The following ZNF274 variants were observed in gnomAD, a reference collection of about 807,000 sequenced individuals.
ZNF274 encodes the protein neurotrophin receptor-interacting factor homolog.
Under a neutral mutation model 42.5 loss-of-function variants are expected in ZNF274, and 23 were observed. The observed-to-expected ratio is 0.54, with a 90% CI of 0.39 to 0.77. The LOEUF is 0.77. ZNF274 is among the 30% of genes least tolerant of loss of function. The pLI is 0.00. For missense variants in ZNF274, 679 were observed against 806.5 expected (o/e 0.84, Z 1.91); for synonymous variants, 292 against 305.4 (o/e 0.96, Z 0.46).
chr19:58,206,854 C>G lies in ZNF274; in HGVS notation c.391C>G (p.Leu131Val), dbSNP rs748619155. ...AGPRNAQIQALYAEDGSLSAD... is the reference protein window; with the variant it reads ...AGPRNAQIQAVYAEDGSLSAD... ...TCCCCGGAATGCCCAGATCCAGGCC[C>G]TATATGCTGAAGATGGAAGCCTGAG... The change falls in exon 5 of 8, where the codon CTA (leucine) becomes GTA (valine). Residue 131 changes from leucine (L) to valine (V), a missense_variant. By Grantham distance (32) the Leu-to-Val change is conservative (BLOSUM62 1). Around this residue, in one of 2 missense-constraint regions of ZNF274, gnomAD observed 223 missense variants for 216.4 expected, o/e 1.03. Coordinates refer to ENST00000617501, the MANE Select transcript of ZNF274 (RefSeq NM_133502.3). 2.5e-6 allele frequency: 4 copies of G among 1,613,952 alleles called. No individual in the cohort carries two copies. The highest frequency in any genetic ancestry group is 3.4e-6 in the Non-Finnish European group (4 of 1,179,870).
chr19:58,209,180 T>C (rs1357037188), intron 5 of ZNF274: 2 of 152,388 alleles, frequency 1.3e-5, no homozygotes, highest in Non-Finnish European at 2.9e-5. Context: ...GGGCAGGCTG[T>C]CTCCCTGCAT....
rs1044162558 is a variant in ZNF274 at position 58,208,171 on chromosome 19, G to C, written c.739+969G>C. On this transcript the variant is annotated intron_variant, in intron 5 of 7. Transcript: ENST00000617501. The surrounding 1 kb of genome is among the most constrained non-coding windows in gnomAD (Gnocchi z 4.5). ...CCTCCATTTTCCACATTTCACGGGT[G>C]CCCAGAAGATGTTTCTGATGTGAAC... 1 of 152,262 alleles carries C rather than the reference G, an allele frequency of 6.6e-6. No individual in the cohort carries two copies. Among genetic ancestry groups the C allele is most frequent in the African/African-American group, 2.4e-5 (1 of 41,458 alleles). The allele number at this position is 152,262 out of a possible 1,614,324, so 9.4% of individuals were successfully genotyped here.
chr19:58,198,744 A>AT (rs1271983176), intron 4 of ZNF274, among the ~76,000 whole-genome samples: 2 of 151,766 alleles, frequency 1.3e-5, no homozygotes, highest in African/African-American at 2.4e-5. Context: ...ACATGGAAAG[A>AT]TTTTTGGAAA....
At chr19:58,185,065 A>G (rs1405023050) in intron 2 of ZNF274, among the ~76,000 whole-genome samples, 1 of 149,634 alleles carries the variant, frequency 6.7e-6, no homozygotes, top group Non-Finnish European at 1.5e-5. Context: ...GCTTGCAGTG[A>G]GCCGAGATGG....
chr19:58,197,452 A>G (rs1038000237), intron 4 of ZNF274, among the ~76,000 whole-genome samples: 5 of 152,336 alleles, frequency 3.3e-5, no homozygotes, highest in Admixed American at 6.5e-5. Flanking sequence ...TAAGTATATA[A>G]ATGTAGTCTT....
At chr19:58,209,351 A>G (rs101447) in intron 5 of ZNF274, 51,388 of 152,120 alleles carry the variant, frequency 0.34, 8,972 homozygotes, top group Admixed American at 0.41. Flanking sequence ...TGGTGGGGGT[A>G]GATTAGCATT....
rs950259645 is a variant in ZNF274 at position 58,207,042 on chromosome 19, G to A, written c.579G>A (p.Lys193=). The change falls in exon 5 of 8, where the codon AAG becomes AAA. Residue 193 remains lysine (K), a synonymous_variant. Transcript: ENST00000617501. This position sits in a 1 kb window ranked among gnomAD's most constrained non-coding sequence, Gnocchi z 5.6. ...TGTGTCACCAGTGGCTACAGCCTAA[G>A]GCACGCTCCAAGGAGCAGATCCTGG... ...RELCHQWLQP[K]ARSKEQILEL... is the part of the protein sequence containing the mutation. 11 of 1,612,952 alleles carry A rather than the reference G, an allele frequency of 6.8e-6. No individual in the cohort carries two copies. Among genetic ancestry groups the A allele is most frequent in the Non-Finnish European group, 9.3e-6 (11 of 1,179,552 alleles).
rs763294292 is a variant in ZNF274 at position 58,206,828 on chromosome 19, G to A, written c.365G>A (p.Gly122Asp). ...CTCACACTGAACCAGGAGGTGGCTG[G>A]TCCCCGGAATGCCCAGATCCAGGCC... ...EVLTLNQEVA[G>D]PRNAQIQALY... The change falls in exon 5 of 8, where the codon GGT (glycine) becomes GAT (aspartate). Residue 122 changes from glycine (G) to aspartate (D), a missense_variant. Physicochemically the swap from Gly to Asp is moderately conservative, Grantham distance 94. Transcript: ENST00000617501. 1.2e-6 allele frequency: 2 copies of A among 1,613,992 alleles called. No individual in the cohort carries two copies. The highest frequency in any genetic ancestry group is 1.1e-5 in the South Asian group (1 of 91,068).
At chr19:58,203,618 A>G (rs1355476120) in intron 4 of ZNF274, among the ~76,000 whole-genome samples, 2 of 152,160 alleles carry the variant, frequency 1.3e-5, no homozygotes, top group East Asian at 3.8e-4. Context: ...TGTAATTGAA[A>G]GAAAATAAAT....
In ZNF274 at chr19:58,213,118, G is replaced by A. The variant is rs769928805; in HGVS notation, c.1937G>A (p.Arg646Gln). The change falls in exon 8 of 8, where the codon CGA (arginine) becomes CAA (glutamine). Residue 646 changes from arginine to glutamine, a missense_variant. Coordinates refer to ENST00000617501, the MANE Select transcript of ZNF274 (RefSeq NM_133502.3). ...GHQRTHNRTKRKKKQPTS is the reference protein window; with the variant it reads ...GHQRTHNRTKQKKKQPTS ...CAGAGAACCCACAATAGGACAAAGCGAAAGAAGAAACAGCCTACCTCATAG... is the reference window on the plus strand; with the variant it reads ...CAGAGAACCCACAATAGGACAAAGCAAAAGAAGAAACAGCCTACCTCATAG... 39 of 1,610,502 alleles carry A rather than the reference G, an allele frequency of 2.4e-5. No individual in the cohort carries two copies. Among genetic ancestry groups the A allele is most frequent in the Non-Finnish European group, 2.7e-5 (32 of 1,177,944 alleles).
chr19:58,211,009 C>G lies in ZNF274; in HGVS notation c.853-551C>G, dbSNP rs557139259. On this transcript the variant is annotated intron_variant, in intron 6 of 7. Coordinates refer to ENST00000617501, the MANE Select transcript of ZNF274 (RefSeq NM_133502.3). This position sits in a 1 kb window ranked among gnomAD's most constrained non-coding sequence, Gnocchi z 4.8. The stretch of plus-strand genomic sequence containing the variant: ...GGGATTATAGGTGTGAGCCACTGCG[C>G]GTGGCCACTCCCCTTTCTTCTTAGG... 1.3e-5 allele frequency: 2 copies of G among 152,398 alleles called. No homozygotes were observed. Among genetic ancestry groups the G allele is most frequent in the African/African-American group, 4.8e-5 (2 of 41,466 alleles). 9.4% of individuals were successfully genotyped at this position (152,398 alleles called of 1,614,324 possible).
At chr19:58,189,617 A>T (rs1234149751) in intron 4 of ZNF274, among the ~76,000 whole-genome samples, 1 of 152,004 alleles carries the variant, frequency 6.6e-6, no homozygotes, top group Non-Finnish European at 1.5e-5. Flanking sequence ...CTTGTCATTT[A>T]AAAAAAAGAA....
At position 58,186,822 on chromosome 19, in the gene ZNF274, C is replaced by T. The variant is rs192264814; in HGVS notation, c.161-125C>T. On this transcript the variant is annotated intron_variant, in intron 3 of 7. Coordinates refer to ENST00000617501, the MANE Select transcript of ZNF274 (RefSeq NM_133502.3). ...ACAGGGATGGATGGAGTTGTGTTCA[C>T]TGCTCTAGGCCAGAAGTCATGTGCC... The T allele has an allele frequency of 7.8e-4, 595 of 758,004 alleles. 3 individuals are homozygous for T. The African/African-American group carries it at 8.8e-3, about 11-fold the overall frequency. 47.0% of individuals were successfully genotyped at this position (758,004 alleles called of 1,614,324 possible). A position where few individuals can be genotyped will look rare whatever the true frequency, so the allele number is the denominator to read the frequency against.
chr19:58,188,473 T>A, intron 4 of ZNF274, among the ~76,000 whole-genome samples: 1 of 150,422 alleles, frequency 6.6e-6, no homozygotes. Flanking sequence ...ATACAAAAAT[T>A]AGCTGGGCAT....
chr19:58,195,716 TTGGGG>T (rs1378487812), intron 4 of ZNF274, among the ~76,000 whole-genome samples: 1 of 152,166 alleles, frequency 6.6e-6, no homozygotes, highest in Non-Finnish European at 1.5e-5. Flanking sequence ...TCCGTGGACC[TTGGGG>T]TGGGGAGGGA....
intron 4 of ZNF274, among the ~76,000 whole-genome samples, chr19:58,190,238 T>A (rs1338134080): frequency 6.8e-6 from 1 of 147,542 alleles, no homozygotes; most frequent in Non-Finnish European, 1.5e-5. Flanking sequence ...ACCTCCATCC[T>A]CTGGGTTCAA....
intron 4 of ZNF274, among the ~76,000 whole-genome samples, chr19:58,188,696 A>T (rs4801257): frequency 2.2e-5 from 1 of 46,346 alleles, no homozygotes; most frequent in Non-Finnish European, 4.5e-5. Flanking sequence ...ATGTATATGT[A>T]TATATATATA....
intron 4 of ZNF274, among the ~76,000 whole-genome samples, chr19:58,190,559 T>C (rs2075767837): frequency 6.6e-6 from 1 of 152,230 alleles, no homozygotes; most frequent in African/African-American, 2.4e-5. Context: ...ATATCTTCTA[T>C]TTCCCTTCTA....
At position 58,206,735 on chromosome 19, in the gene ZNF274, A is replaced by T; in HGVS notation, c.272A>T (p.Gln91Leu). The change falls in exon 5 of 8, where the codon CAG becomes CTG. Residue 91 changes from glutamine (Q) to leucine (L), a missense_variant. Coordinates refer to ENST00000617501, the MANE Select transcript of ZNF274 (RefSeq NM_133502.3). Reference sequence around the variant, plus strand: ...TGACTTACAGAGTATCCTGAGCTCCAGCTGGACCCTAAATTGGATCCTCTT... The same window carrying T: ...TGACTTACAGAGTATCCTGAGCTCCTGCTGGACCCTAAATTGGATCCTCTT... ...QDTIPEYPEL[Q>L]LDPKLDPLPA... 2 of 1,586,670 alleles carry T rather than the reference A, an allele frequency of 1.3e-6. No individual in the cohort carries two copies. Among genetic ancestry groups the T allele is most frequent in the Non-Finnish European group, 1.7e-6 (2 of 1,166,580 alleles).
Sources: allele counts gnomAD v4.1 joint callset (sites outside exome capture counted in the v4.1 genomes callset), GRCh38; gene constraint gnomAD v4.1.1; regional missense constraint gnomAD v4.1.1; non-coding constraint Gnocchi (gnomAD v3.1); transcripts MANE v1.5; gene names NCBI Gene and HGNC (gene_info 2026-07-23, HGNC 2026-07-21).